NCALD: variants seen among roughly 807,000 people sequenced by gnomAD.
NCALD encodes neurocalcin-delta.
NCALD carries 10 observed loss-of-function variants against 18.6 expected under a neutral mutation model. The ratio of observed to expected loss-of-function variants is 0.54; its 90% CI spans 0.33 to 0.91. NCALD has a LOEUF of 0.91. Among genes scored for constraint, NCALD ranks in the 40% least tolerant of loss-of-function variants. The pLI, the probability that NCALD is intolerant of heterozygous loss-of-function variation, is 0.03. For synonymous variants in NCALD, 88 were observed against 87.4 expected, an observed-to-expected ratio of 1.01 and a Z score of -0.04; for missense variants, 184 against 247.6, an observed-to-expected ratio of 0.74 and a Z score of 1.72.
chr8:101,879,474 G>T (rs928795425), intron 4 of NCALD, among the ~76,000 whole-genome samples: 4 of 152,160 alleles, frequency 2.6e-5, no homozygotes, highest in African/African-American at 9.7e-5. Flanking sequence ...CCTTCACTGT[G>T]AGTGTTACAG....
At position 101,893,955 on chromosome 8, in the gene NCALD, T is replaced by C. The variant is rs371540237; in HGVS notation, c.-106-6728A>G. ...CCACTGTCAACATTAGACAGATCAA[T>C]GAGACAGAAAGTCAACAAGGATACC... On this transcript the variant is annotated intron_variant, in intron 3 of 6. Coordinates refer to the NCALD transcript ENST00000311028. 6.8e-5 allele frequency among the ~76,000 whole-genome samples: 10 copies of C among 146,786 alleles called. 1 individual carries two copies. The highest frequency in any genetic ancestry group is 3.9e-4 in the East Asian group (2 of 5,172).
At position 102,071,843 on chromosome 8, in the gene NCALD, C is replaced by T. The variant is rs368885436; in HGVS notation, c.-209-51554G>A. On this transcript the variant is annotated intron_variant, in intron 1 of 6. Coordinates refer to the NCALD transcript ENST00000311028. ...ACATTGCTGAGATAATGAAAGAAGA[C>T]CTACATAAATGGCAAGATATACAAT... 1.3e-4 allele frequency among the ~76,000 whole-genome samples: 20 copies of T among 152,190 alleles called. No individual in the cohort carries two copies. In the South Asian group the frequency reaches 3.5e-3, roughly 27 times the overall value.
chr8:102,050,495 C>A (rs1169090451), intron 1 of NCALD, among the ~76,000 whole-genome samples: 1 of 150,932 alleles, frequency 6.6e-6, no homozygotes, highest in Non-Finnish European at 1.5e-5. Context: ...AATGATATTA[C>A]TTCAATAATA....
intron 1 of NCALD, among the ~76,000 whole-genome samples, chr8:101,737,144 G>C (rs1201426290): frequency 2.0e-5 from 3 of 151,892 alleles, no homozygotes; most frequent in East Asian, 3.9e-4. Flanking sequence ...TTTTAGACAG[G>C]GTCTCACTCT....
At chr8:102,056,894 C>T (rs879642627) in intron 1 of NCALD, among the ~76,000 whole-genome samples, 17 of 152,180 alleles carry the variant, frequency 1.1e-4, no homozygotes, top group Non-Finnish European at 2.2e-4. Flanking sequence ...AGAAACAAGA[C>T]CACAGGCTAT....
At chr8:101,890,448 A>G (rs1398192527) in intron 3 of NCALD, among the ~76,000 whole-genome samples, 5 of 152,184 alleles carry the variant, frequency 3.3e-5, no homozygotes, top group African/African-American at 1.2e-4. Context: ...TGTCCCCTCT[A>G]AAATTTATAT....
intron 3 of NCALD, among the ~76,000 whole-genome samples, chr8:101,893,269 C>T (rs1400322631): frequency 6.6e-6 from 1 of 151,266 alleles, no homozygotes; most frequent in Non-Finnish European, 1.5e-5. Flanking sequence ...AACTAAGCTT[C>T]ATAAGTGAAG....
At chr8:101,855,862 G>A (rs1018975296) in intron 4 of NCALD, among the ~76,000 whole-genome samples, 1 of 152,182 alleles carries the variant, frequency 6.6e-6, no homozygotes, top group Non-Finnish European at 1.5e-5. Flanking sequence ...CAATTGTATT[G>A]TTGATGTCAT....
chr8:101,804,503 A>ATAACAAAG (rs1813005620), intron 4 of NCALD, among the ~76,000 whole-genome samples: 2 of 124,142 alleles, frequency 1.6e-5, no homozygotes, highest in African/African-American at 7.0e-5. Context: ...TAATATAATT[A>ATAACAAAG]ATTATATAAT....
At chr8:101,841,897 A>G (rs949717232) in intron 4 of NCALD, among the ~76,000 whole-genome samples, 5 of 152,174 alleles carry the variant, frequency 3.3e-5, no homozygotes, top group Non-Finnish European at 5.9e-5. Flanking sequence ...CCACACAAAT[A>G]AAGAAAAAGA....
chr8:101,803,080 C>T (rs750144593), intron 4 of NCALD, among the ~76,000 whole-genome samples: 13 of 152,072 alleles, frequency 8.5e-5, no homozygotes, highest in Non-Finnish European at 1.9e-4. Flanking sequence ...ACTTTCATAG[C>T]TAGAGAGAAG....
chr8:101,894,452 A>G (rs1323422275), intron 3 of NCALD, among the ~76,000 whole-genome samples: 1 of 142,696 alleles, frequency 7.0e-6, no homozygotes, highest in Non-Finnish European at 1.5e-5. Context: ...AATTAAAAGA[A>G]CTAGAAAAGC....
intron 1 of NCALD, among the ~76,000 whole-genome samples, chr8:101,736,055 G>A (rs778316294): frequency 1.2e-4 from 19 of 152,192 alleles, no homozygotes; most frequent in Admixed American, 1.1e-3. Context: ...CTCCTTCCTC[G>A]ACACCAGCGG....
chr8:102,032,622 T>TAAAAA (rs59283854), intron 1 of NCALD, among the ~76,000 whole-genome samples: 6,021 of 104,760 alleles, frequency 0.057, 242 homozygotes, highest in South Asian at 0.14. Context: ...GAAAAACTGC[T>TAAAAA]AAAAAAAAAA....
rs1174268491 is a variant in NCALD at position 101,779,833 on chromosome 8, A to G, written c.-20+11029T>C. ...AAATATAAGCCTGTACTCATTATGA[A>G]ACAATGTTTTTTTAAGTTAATCCTC... On this transcript the variant is annotated intron_variant, in intron 1 of 3. Coordinates refer to ENST00000220931, the MANE Select transcript of NCALD (RefSeq NM_032041.3). The G allele has an allele frequency of 2.6e-5, 4 of 152,148 alleles. No individual in the cohort carries two copies. The East Asian group carries it at 7.7e-4, about 29-fold the overall frequency. 9.4% of individuals were successfully genotyped at this position (152,148 alleles called of 1,614,324 possible). A position where few individuals can be genotyped will look rare whatever the true frequency, so the allele number is the denominator to read the frequency against.
intron 1 of NCALD, among the ~76,000 whole-genome samples, chr8:101,782,119 T>C (rs1812041952): frequency 6.7e-6 from 1 of 148,556 alleles, no homozygotes; most frequent in Non-Finnish European, 1.5e-5. Flanking sequence ...TATATATTTA[T>C]ATAAATTTTC....
At chr8:102,045,464 A>G (rs530219125) in intron 1 of NCALD, among the ~76,000 whole-genome samples, 1 of 152,384 alleles carries the variant, frequency 6.6e-6, no homozygotes, top group Non-Finnish European at 1.5e-5. Flanking sequence ...ACTGAATTAT[A>G]TAAAGCATTT....
chr8:101,742,643 G>A (rs1039758185), intron 1 of NCALD, among the ~76,000 whole-genome samples: 8 of 152,100 alleles, frequency 5.3e-5, no homozygotes, highest in Non-Finnish European at 1.0e-4. Context: ...TTGATAAACT[G>A]ATCCTCATTA....
At chr8:101,996,882 A>G (rs910949703) in intron 2 of NCALD, among the ~76,000 whole-genome samples, 1 of 152,248 alleles carries the variant, frequency 6.6e-6, no homozygotes, top group Non-Finnish European at 1.5e-5. Context: ...AATCCCCATT[A>G]TCACGGGCTT....
Sources: gnomAD v4.1 joint callset for allele counts (sites outside exome capture counted in the v4.1 genomes callset) on GRCh38, gnomAD v4.1.1 for gene constraint, MANE v1.5 for transcripts, NCBI Gene and HGNC (gene_info 2026-07-23, HGNC 2026-07-21) for gene names.